STRN3: variants seen among roughly 807,000 people sequenced by gnomAD.
The protein encoded by STRN3 is striatin-3.
Under a neutral mutation model 95.6 loss-of-function variants are expected in STRN3, and 29 were observed. The observed-to-expected ratio is 0.30, with a 90% confidence interval of 0.23 to 0.41. The LOEUF (loss-of-function observed/expected upper bound fraction) is 0.41, where lower values mean the gene tolerates loss of function less well. Among genes scored for constraint, STRN3 ranks in the 10% least tolerant of loss-of-function variants. The pLI, the probability that STRN3 is intolerant of heterozygous loss-of-function variation, is 1.00. For missense variants in STRN3, 890 were observed against 972.1 expected, an observed-to-expected ratio of 0.92 and a Z score of 1.12; for synonymous variants, 331 against 357.6, an observed-to-expected ratio of 0.93 and a Z score of 0.84.
chr14:30,945,314 T>C (rs1159516075), intron 5 of STRN3, among the ~76,000 whole-genome samples: 4 of 152,152 alleles, frequency 2.6e-5, no homozygotes, highest in Non-Finnish European at 5.9e-5. Context: ...ACCCATCACC[T>C]ATATAAGAAA....
At chr14:30,899,616 C>T (rs1329697436) in intron 16 of STRN3, among the ~76,000 whole-genome samples, 1 of 152,104 alleles carries the variant, frequency 6.6e-6, no homozygotes, top group Non-Finnish European at 1.5e-5. Context: ...GAGAAAGTTT[C>T]CACCACTGCA....
At chr14:30,929,954 C>CAAAAAAAAAAAACA (rs1555317327) in intron 7 of STRN3, among the ~76,000 whole-genome samples, 1 of 39,996 alleles carries the variant, frequency 2.5e-5, no homozygotes, top group East Asian at 4.7e-4. Context: ...CTAAGATTAG[C>CAAAAAAAAAAAACA]AAAAAAAAAA....
At chr14:31,014,313 C>T (rs1361941739) in intron 1 of STRN3, among the ~76,000 whole-genome samples, 2 of 152,008 alleles carry the variant, frequency 1.3e-5, no homozygotes, top group East Asian at 1.9e-4. Flanking sequence ...CTCCGCCTCC[C>T]GGGTTCAAGT....
In STRN3 at chr14:30,971,645, T is replaced by C. The variant is rs1268521039; in HGVS notation, c.283-15403A>G. ...GCATCATGATTAAAACTCAATGTTA[T>C]ACCTTCATCCCAAACAGCACCGCCC... On this transcript the variant is annotated intron_variant, in intron 1 of 17. Coordinates refer to ENST00000357479, the MANE Select transcript of STRN3 (RefSeq NM_001083893.2). Among the ~76,000 whole-genome samples the C allele has an allele frequency of 2.0e-5, 3 of 152,298 alleles. No individual in the cohort carries two copies. The East Asian group carries it at 5.8e-4, about 29-fold the overall frequency.
chr14:30,980,932 T>A (rs1173754024), intron 1 of STRN3, among the ~76,000 whole-genome samples: 1 of 151,920 alleles, frequency 6.6e-6, no homozygotes, highest in Non-Finnish European at 1.5e-5. Context: ...AAAACTTAAA[T>A]ATTTTAGCTT....
chr14:30,910,642 A>G (rs934190314), intron 13 of STRN3, among the ~76,000 whole-genome samples: 1 of 151,992 alleles, frequency 6.6e-6, no homozygotes, highest in Admixed American at 6.6e-5. Context: ...TAACAAAAAA[A>G]ATTTTTGGCT....
At chr14:30,995,822 G>A (rs1387289730) in intron 1 of STRN3, among the ~76,000 whole-genome samples, 1 of 152,180 alleles carries the variant, frequency 6.6e-6, no homozygotes. Flanking sequence ...CTGATGTGCT[G>A]CCCCATATCC....
At position 30,929,317 on chromosome 14, in the gene STRN3, T is replaced by C. The variant is rs751695280; in HGVS notation, c.989-6A>G. 7.5e-6 allele frequency: 12 copies of C among 1,609,464 alleles called. No individual in the cohort carries two copies. In the Admixed American group the frequency reaches 1.2e-4, roughly 16 times the overall value. On this transcript the variant is annotated splice_region_variant and splice_polypyrimidine_tract_variant and intron_variant, in intron 7 of 17. Transcript: ENST00000357479. ...TGGGGAGAGGTCATCTTTATCTACA[T>C]GCAGCATATTATTAAAAGAAAAAAA...
intron 11 of STRN3, 65 bp from the exon 12 acceptor site, chr14:30,911,889 A>G (rs1896619908): frequency 6.4e-7 from 1 of 1,565,712 alleles, no homozygotes; most frequent in Middle Eastern, 1.7e-4. Context: ...TCACTGGTTG[A>G]TATTAAATAG....
At chr14:30,953,478 A>G (rs1273454913) in intron 3 of STRN3, among the ~76,000 whole-genome samples, 1 of 152,220 alleles carries the variant, frequency 6.6e-6, no homozygotes, top group Admixed American at 6.5e-5. Flanking sequence ...AACATATCAC[A>G]ATGTACTTAT....
chr14:30,947,411 T>C (rs1484239828), intron 4 of STRN3, 148 bp from the exon 5 acceptor site: 1 of 607,142 alleles, frequency 1.6e-6, no homozygotes, highest in African/African-American at 1.9e-5. Flanking sequence ...TAGTTCCAGT[T>C]CTAAGAGAAC....
At chr14:30,934,243 G>T (rs1403698959) in intron 7 of STRN3, among the ~76,000 whole-genome samples, 1 of 152,200 alleles carries the variant, frequency 6.6e-6, no homozygotes, top group Non-Finnish European at 1.5e-5. Context: ...AGAATCACTT[G>T]AACGTGGGAG....
intron 1 of STRN3, among the ~76,000 whole-genome samples, chr14:30,965,115 C>T (rs1253406167): frequency 1.3e-5 from 2 of 152,078 alleles, no homozygotes; most frequent in East Asian, 1.9e-4. Context: ...GCTTGATTTG[C>T]TTGGTGACCA....
intron 1 of STRN3, among the ~76,000 whole-genome samples, chr14:30,959,581 A>C (rs754805501): frequency 2.1e-4 from 32 of 152,226 alleles, no homozygotes; most frequent in Non-Finnish European, 3.4e-4. Context: ...TCTACTTTTC[A>C]GCAATGTTAT....
At chr14:30,906,028 G>A (rs551434444) in intron 14 of STRN3, among the ~76,000 whole-genome samples, 1 of 152,256 alleles carries the variant, frequency 6.6e-6, no homozygotes, top group East Asian at 1.9e-4. Flanking sequence ...AAATGGCTTG[G>A]ACTCTGGAAT....
chr14:30,947,005 A>T, intron 5 of STRN3, 85 bp downstream of exon 5: 1 of 977,394 alleles, frequency 1.0e-6, no homozygotes, highest in Non-Finnish European at 1.4e-6. Flanking sequence ...AAAGTTCTTA[A>T]TGGCAGTAAC....
chr14:30,941,474 T>C (rs1879090254), intron 5 of STRN3, among the ~76,000 whole-genome samples: 1 of 152,168 alleles, frequency 6.6e-6, no homozygotes, highest in African/African-American at 2.4e-5. Context: ...CTGTTTTCAT[T>C]TTATACAATA....
rs761101058 is a variant in STRN3, at chr14:30,905,508, T to C, written c.1939A>G (p.Met647Val). The change falls in exon 15 of 18, where the codon ATG (methionine) becomes GTG (valine). Residue 647 changes from methionine to valine, a missense_variant. Transcript: ENST00000357479. ...CTACCAGTGTTGAAAGAGGTTACCA[T>C]ATGAGCTGGATCACAGCCTATAAAG... is the stretch of plus-strand genomic sequence containing the variant. ...VDFIGCDPAH[M>V]VTSFNTGSAV... 3.1e-6 allele frequency: 5 copies of C among 1,609,598 alleles called. No individual in the cohort carries two copies. Among genetic ancestry groups the C allele is most frequent in the Non-Finnish European group, 3.4e-6 (4 of 1,178,262 alleles).
chr14:30,903,687 A>G (rs1387734546), intron 15 of STRN3, among the ~76,000 whole-genome samples: 1 of 152,206 alleles, frequency 6.6e-6, no homozygotes, highest in Non-Finnish European at 1.5e-5. Flanking sequence ...GCATGAGCCA[A>G]TGCGCCCAGC....
Sources: gnomAD v4.1 joint callset for allele counts (sites outside exome capture counted in the v4.1 genomes callset) on GRCh38, gnomAD v4.1.1 for gene constraint, MANE v1.5 for transcripts, NCBI Gene and HGNC (gene_info 2026-07-23, HGNC 2026-07-21) for gene names.